NFATC1: variants seen among roughly 807,000 people sequenced by gnomAD.
NFATC1 encodes the protein nuclear factor of activated T cells 1, also known as nuclear factor of activated T-cells, cytoplasmic 1.
Under a neutral mutation model 76.0 loss-of-function variants are expected in NFATC1, and 22 were observed. The ratio of observed to expected loss-of-function variants is 0.29; its 90% CI spans 0.21 to 0.41. The LOEUF (loss-of-function observed/expected upper bound fraction) is 0.41. NFATC1 is among the 10% of genes least tolerant of loss of function. NFATC1 has a pLI of 1.00. For missense variants in NFATC1, 1,357 were observed against 1,337.7 expected, an observed-to-expected ratio of 1.01 and a Z score of -0.23; for synonymous variants, 704 against 613.1, an observed-to-expected ratio of 1.15 and a Z score of -2.19.
At chr18:79,494,004 G>A (rs1187286624) in intron 9 of NFATC1, among the ~76,000 whole-genome samples, 1 of 151,284 alleles carries the variant, frequency 6.6e-6, no homozygotes. Flanking sequence ...CCCCAGGCCC[G>A]GAGCTGCTTC....
At chr18:79,439,535 A>G (rs1324292370) in intron 3 of NFATC1, among the ~76,000 whole-genome samples, 2 of 152,234 alleles carry the variant, frequency 1.3e-5, no homozygotes, top group African/African-American at 4.8e-5. Flanking sequence ...CTCCTCTTTC[A>G]GCACAATTTC....
At chr18:79,400,541 G>GC in intron 1 of NFATC1, 2 of 1,279,328 alleles carry the variant, frequency 1.6e-6, no homozygotes, top group Non-Finnish European at 2.0e-6. Context: ...GGGCGCCCAG[G>GC]CCCCCTCCGC....
At chr18:79,519,954 G>T (rs147092991) in intron 9 of NFATC1, among the ~76,000 whole-genome samples, 1 of 152,208 alleles carries the variant, frequency 6.6e-6, no homozygotes, top group African/African-American at 2.4e-5. Context: ...AGTCCTGGAC[G>T]GGCGAGATAA....
At chr18:79,462,828 C>CG (rs34592412) in intron 7 of NFATC1, among the ~76,000 whole-genome samples, 40,541 of 151,604 alleles carry the variant, frequency 0.27, 5,624 homozygotes, top group East Asian at 0.36. Flanking sequence ...CCCTGCGGGT[C>CG]GGGGAGTCTT....
intron 9 of NFATC1, chr18:79,493,502 A>G (rs1386933834): frequency 1.3e-5 from 2 of 148,166 alleles, no homozygotes; most frequent in African/African-American, 5.3e-5. Context: ...TCAGTCCCTC[A>G]GAAGCACTTG....
At chr18:79,471,375 G>A (rs1385052062) in intron 8 of NFATC1, among the ~76,000 whole-genome samples, 1 of 152,216 alleles carries the variant, frequency 6.6e-6, no homozygotes, top group East Asian at 1.9e-4. Context: ...CCGGGAATCT[G>A]TCTCGTGGGG....
At chr18:79,454,237 T>G (rs2087593487) in intron 6 of NFATC1, among the ~76,000 whole-genome samples, 1 of 152,134 alleles carries the variant, frequency 6.6e-6, no homozygotes, top group Non-Finnish European at 1.5e-5. Flanking sequence ...TTGTAGCTGT[T>G]GGGAATGTTG....
intron 3 of NFATC1, among the ~76,000 whole-genome samples, chr18:79,439,629 C>T (rs1568963845): frequency 1.3e-5 from 2 of 152,208 alleles, no homozygotes; most frequent in African/African-American, 2.4e-5. Context: ...CCGTTGTTCC[C>T]GCAGCCCATG....
intron 8 of NFATC1, among the ~76,000 whole-genome samples, chr18:79,477,884 G>A (rs536065261): frequency 6.4e-4 from 98 of 152,250 alleles, no homozygotes; most frequent in Non-Finnish European, 1.1e-3. Context: ...CCTGTGGGAC[G>A]GCAGTCCCGT....
At position 79,396,741 on chromosome 18, in the gene NFATC1, T is replaced by A. The variant is rs559874813; in HGVS notation, c.127+390T>A. ...TGGGAGTGAAGGATGCCCCGTGTCTTCCTGAGCGAGGCAGAGCCACCCTCT... is the reference window on the plus strand; with the variant it reads ...TGGGAGTGAAGGATGCCCCGTGTCTACCTGAGCGAGGCAGAGCCACCCTCT... On this transcript the variant is annotated intron_variant, in intron 1 of 9. Transcript: ENST00000427363. 1.3e-4 allele frequency among the ~76,000 whole-genome samples: 20 copies of A among 151,952 alleles called. 1 individual carries two copies. In the South Asian group the frequency reaches 4.2e-3, roughly 32 times the overall value.
chr18:79,476,873 C>G (rs2144999401), intron 8 of NFATC1, among the ~76,000 whole-genome samples: 1 of 152,322 alleles, frequency 6.6e-6, no homozygotes, highest in African/African-American at 2.4e-5. Flanking sequence ...GGTCGTGACT[C>G]CGGAAGATCA....
chr18:79,507,245 AC>A lies in NFATC1; in HGVS notation c.2783-20281del, dbSNP rs1363269390. On this transcript the variant is annotated intron_variant, in intron 9 of 9. Transcript: ENST00000427363. ...ATATGGCAGGAAGTAGGGCCTGGAA[AC>A]CGCACGGCTCCCAGCCCTTGGCAGC... Among the ~76,000 whole-genome samples the A allele has an allele frequency of 2.2e-3, 328 of 152,366 alleles. 7 individuals carry two copies. The highest frequency in any genetic ancestry group is 0.021 in the Admixed American group (320 of 15,312).
rs748138818 is a variant in NFATC1 at position 79,451,111 on chromosome 18, A to G, written c.1747A>G (p.Asn583Asp). Residue 583 changes from asparagine (N) to aspartate (D), a missense_variant, in exon 5 of 10, where the codon AAC (asparagine) becomes GAC (aspartate). Transcript: ENST00000427363. ...GRTLSLQVAS[N>D]PIECSQRSAQ... ...CACGCTGTCCCTGCAGGTGGCCTCC[A>G]ACCCCATCGAATGCTGTAAGTGGAC... is the stretch of plus-strand genomic sequence containing the variant. 1.9e-6 allele frequency: 3 copies of G among 1,611,098 alleles called. No homozygotes were observed. The South Asian group carries it at 3.3e-5, about 18-fold the overall frequency.
intron 7 of NFATC1, among the ~76,000 whole-genome samples, chr18:79,464,672 A>ATG (rs1568994532): frequency 3.7e-4 from 39 of 104,140 alleles, no homozygotes; most frequent in African/African-American, 1.5e-3. Flanking sequence ...GTGTGTGTGT[A>ATG]TATGTATGTG....
intron 9 of NFATC1, among the ~76,000 whole-genome samples, chr18:79,519,298 C>T (rs186567939): frequency 1.3e-5 from 2 of 152,290 alleles, no homozygotes; most frequent in Admixed American, 1.3e-4. Flanking sequence ...TCGGGCTTTC[C>T]TGGAAAACAG....
At chr18:79,507,290 G>A (rs1310098612) in intron 9 of NFATC1, among the ~76,000 whole-genome samples, 1 of 152,256 alleles carries the variant, frequency 6.6e-6, no homozygotes, top group East Asian at 1.9e-4. Flanking sequence ...TCCCGAGGCT[G>A]CACTCAGAGC....
chr18:79,401,069 C>T (rs1349121655), intron 1 of NFATC1, among the ~76,000 whole-genome samples: 2 of 144,036 alleles, frequency 1.4e-5, no homozygotes, highest in South Asian at 2.3e-4. Flanking sequence ...TTCTCTGTGT[C>T]AGAAATAAGG....
intron 2 of NFATC1, among the ~76,000 whole-genome samples, chr18:79,426,413 C>T (rs991290799): frequency 3.9e-5 from 6 of 152,116 alleles, no homozygotes; most frequent in Non-Finnish European, 8.8e-5. Context: ...ACGGGGGCCA[C>T]TGTCCTCCAT....
rs146526684 is a variant in NFATC1, at chr18:79,412,946, C to T, written c.1226+1445C>T. On this transcript the variant is annotated intron_variant, in intron 2 of 9. Transcript: ENST00000427363. ...GCGTATTCTAGGTGATCACAACGAGCCTGTGTCAGGACCCGGATTGTATTT... is the reference window on the plus strand; with the variant it reads ...GCGTATTCTAGGTGATCACAACGAGTCTGTGTCAGGACCCGGATTGTATTT... Among the ~76,000 whole-genome samples, 3 of 152,186 alleles carry T rather than the reference C, an allele frequency of 2.0e-5. No individual in the cohort carries two copies. The South Asian group carries it at 6.2e-4, about 32-fold the overall frequency.
Sources: gnomAD v4.1 joint callset for allele counts (sites outside exome capture counted in the v4.1 genomes callset) on GRCh38, gnomAD v4.1.1 for gene constraint, MANE v1.5 for transcripts, NCBI Gene and HGNC (gene_info 2026-07-23, HGNC 2026-07-21) for gene names.